CDC42BPA: variants seen among roughly 807,000 people sequenced by gnomAD.
The protein encoded by CDC42BPA is serine/threonine-protein kinase MRCK alpha.
Under a neutral mutation model 223.5 loss-of-function variants are expected in CDC42BPA, and 80 were observed. That is an observed-to-expected ratio of 0.36 (90% CI 0.30 to 0.43). The LOEUF (loss-of-function observed/expected upper bound fraction) is 0.43. Among genes scored for constraint, CDC42BPA ranks in the 20% least tolerant of loss-of-function variants. The probability of loss-of-function intolerance (pLI) is 1.00; values close to 1 mark genes in which losing one functional copy is unlikely to be tolerated. For missense variants in CDC42BPA, 1,743 were observed against 2,099.9 expected (o/e 0.83, Z 3.32); for synonymous variants, 694 against 718.6 (o/e 0.97, Z 0.55).
In CDC42BPA at chr1:227,317,514, A is replaced by C. The variant is rs1032449848; in HGVS notation, c.-332T>G. ...AACTAGAGAGTCAACACTTCTTTAAAAAAAAAAAAAAAAACTCTTCTCCTT... is the reference window on the plus strand; with the variant it reads ...AACTAGAGAGTCAACACTTCTTTAACAAAAAAAAAAAAAACTCTTCTCCTT... On this transcript the variant is annotated 5_prime_UTR_variant, in exon 1 of 37. Transcript: ENST00000366766. The C allele has an allele frequency of 4.3e-5, 11 of 257,758 alleles. No individual in the cohort carries two copies. The Middle Eastern group carries it at 2.4e-3, about 57-fold the overall frequency. The allele number at this position is 257,758 out of a possible 1,614,324, so 16.0% of individuals were successfully genotyped here. A position where few individuals can be genotyped will look rare whatever the true frequency, so the allele number is the denominator to read the frequency against.
intron 1 of CDC42BPA, among the ~76,000 whole-genome samples, chr1:227,269,268 T>C (rs1384456901): frequency 6.6e-6 from 1 of 152,174 alleles, no homozygotes; most frequent in Non-Finnish European, 1.5e-5. Flanking sequence ...AATAGAACAA[T>C]GAAGCAGAAA....
intron 1 of CDC42BPA, among the ~76,000 whole-genome samples, chr1:227,268,801 T>G (rs900197035): frequency 3.3e-5 from 5 of 151,664 alleles, no homozygotes; most frequent in African/African-American, 9.7e-5. Context: ...TCCTTCCACC[T>G]CAGCCTCCCA....
intron 11 of CDC42BPA, among the ~76,000 whole-genome samples, chr1:227,128,199 G>C (rs1656247131): frequency 6.6e-6 from 1 of 152,130 alleles, no homozygotes; most frequent in South Asian, 2.1e-4. Context: ...TGATTTTAGA[G>C]TTTTTGCACC....
intron 1 of CDC42BPA, 47 bp downstream of exon 1, chr1:227,316,958 A>T (rs1242017647): frequency 6.4e-6 from 9 of 1,403,410 alleles, no homozygotes; most frequent in Non-Finnish European, 9.1e-6. Context: ...ATTAAATCAT[A>T]ATGACCAGCT....
intron 21 of CDC42BPA, among the ~76,000 whole-genome samples, chr1:227,055,574 ATTACAAAGTATTTTAAAACC>A (rs1212263573): frequency 6.6e-6 from 1 of 152,146 alleles, no homozygotes; most frequent in Non-Finnish European, 1.5e-5. Flanking sequence ...TAGTTATTTT[ATTACAAAGTATTTTAAAACC>A]TTAAAAACAA....
At chr1:227,284,122 A>G (rs1389487018) in intron 1 of CDC42BPA, among the ~76,000 whole-genome samples, 2 of 152,244 alleles carry the variant, frequency 1.3e-5, no homozygotes, top group Non-Finnish European at 2.9e-5. Flanking sequence ...TGAATAAACC[A>G]TAAACTATCT....
At chr1:227,253,259 CGAGAGA>C (rs150466644) in intron 2 of CDC42BPA, among the ~76,000 whole-genome samples, 2 of 116,544 alleles carry the variant, frequency 1.7e-5, no homozygotes, top group African/African-American at 3.8e-5. Context: ...AGAGAGAGAG[CGAGAGA>C]GAGCGCGCGC....
chr1:227,200,384 T>C (rs1402234750), intron 3 of CDC42BPA, among the ~76,000 whole-genome samples: 5 of 148,968 alleles, frequency 3.4e-5, no homozygotes, highest in East Asian at 4.0e-4. Context: ...TGGGCCAAGA[T>C]CGCACCACTG....
intron 1 of CDC42BPA, among the ~76,000 whole-genome samples, chr1:227,265,915 T>C (rs1423526744): frequency 6.6e-6 from 1 of 152,154 alleles, no homozygotes; most frequent in Non-Finnish European, 1.5e-5. Context: ...CCAACAAAAA[T>C]GGCATCTCTT....
At chr1:227,009,224 T>C (rs373572404) in intron 34 of CDC42BPA, among the ~76,000 whole-genome samples, 1 of 152,232 alleles carries the variant, frequency 6.6e-6, no homozygotes, top group Non-Finnish European at 1.5e-5. Context: ...TAAAAAACAG[T>C]TTATCATTCA....
intron 2 of CDC42BPA, 128 bp downstream of exon 2, chr1:227,253,936 A>G (rs966899758): frequency 2.9e-6 from 2 of 695,152 alleles, no homozygotes; most frequent in Admixed American, 5.0e-5. Context: ...AATCAATCAC[A>G]TCAATCACAA....
Position 227,119,589 on chromosome 1 carries a change from A to G in CDC42BPA, c.1647+215T>C, listed in dbSNP as rs536965607. On this transcript the variant is annotated intron_variant, in intron 12 of 36. Transcript: ENST00000366766. ...TGACTATTAACTTTCTAAAAGAACA[A>G]AAGATTCTGAACTTTCAAGCTTCAA... Among the ~76,000 whole-genome samples, 39 of 152,186 alleles carry G rather than the reference A, an allele frequency of 2.6e-4. 1 individual carries two copies. In the South Asian group the frequency reaches 7.9e-3, roughly 31 times the overall value.
chr1:227,291,769 C>A (rs1285349839), intron 1 of CDC42BPA, among the ~76,000 whole-genome samples: 2 of 152,162 alleles, frequency 1.3e-5, no homozygotes, highest in African/African-American at 2.4e-5. Context: ...TATTAACCCT[C>A]AACATTTGTA....
chr1:227,079,188 TAAAAA>T (rs1317272424), intron 17 of CDC42BPA, among the ~76,000 whole-genome samples: 1 of 152,164 alleles, frequency 6.6e-6, no homozygotes, highest in Non-Finnish European at 1.5e-5. Context: ...CATTTCTAAA[TAAAAA>T]GTAGGGTTAA....
intron 1 of CDC42BPA, among the ~76,000 whole-genome samples, chr1:227,265,390 C>T (rs940439092): frequency 3.3e-5 from 5 of 151,958 alleles, no homozygotes; most frequent in African/African-American, 9.7e-5. Flanking sequence ...TAGTTAAGTA[C>T]AGTACGTGGG....
chr1:227,310,709 CAG>C (rs1234391625), intron 1 of CDC42BPA, among the ~76,000 whole-genome samples: 13 of 146,110 alleles, frequency 8.9e-5, no homozygotes, highest in African/African-American at 3.1e-4. Context: ...TTTTTTGAGA[CAG>C]AGTCTTGCTC....
intron 1 of CDC42BPA, among the ~76,000 whole-genome samples, chr1:227,310,125 C>T (rs752016289): frequency 2.0e-4 from 31 of 152,156 alleles, no homozygotes; most frequent in Non-Finnish European, 4.4e-4. Flanking sequence ...TTTCCCAAAG[C>T]GTATTCTGTG....
chr1:227,090,187 C>G (rs1262095067), intron 16 of CDC42BPA, among the ~76,000 whole-genome samples: 1 of 152,130 alleles, frequency 6.6e-6, no homozygotes, highest in Non-Finnish European at 1.5e-5. Context: ...ATGATGTGAA[C>G]AGTATTCTTT....
intron 2 of CDC42BPA, among the ~76,000 whole-genome samples, chr1:227,225,019 T>C (rs745587301): frequency 1.4e-4 from 22 of 152,180 alleles, no homozygotes; most frequent in Non-Finnish European, 2.6e-4. Flanking sequence ...CATTCTAGCT[T>C]AACAATAAGG....
Sources: allele counts gnomAD v4.1 joint callset (sites outside exome capture counted in the v4.1 genomes callset), GRCh38; gene constraint gnomAD v4.1.1; transcripts MANE v1.5; gene names NCBI Gene and HGNC (gene_info 2026-07-23, HGNC 2026-07-21).